The following FAF1 variants were observed in gnomAD, a reference collection of about 807,000 sequenced individuals.
FAF1 encodes the protein Fas associated factor 1, also known as FAS-associated factor 1.
FAF1 carries 25 observed loss-of-function variants against 92.5 expected under a neutral mutation model. The observed-to-expected ratio is 0.27, with a 90% CI of 0.20 to 0.38. The LOEUF (loss-of-function observed/expected upper bound fraction) is 0.38. FAF1 is among the 10% of genes least tolerant of loss of function. The pLI is 1.00. For missense variants in FAF1, 636 were observed against 793.3 expected, an observed-to-expected ratio of 0.80 and a Z score of 2.38; for synonymous variants, 234 against 273.2, an observed-to-expected ratio of 0.86 and a Z score of 1.42.
At chr1:50,643,396 C>T (rs183870033) in intron 8 of FAF1, among the ~76,000 whole-genome samples, 2 of 151,880 alleles carry the variant, frequency 1.3e-5, no homozygotes, top group Admixed American at 6.6e-5. Flanking sequence ...TTCCATATTG[C>T]TTATTAATTT....
intron 5 of FAF1, among the ~76,000 whole-genome samples, chr1:50,742,641 C>T (rs907741747): frequency 6.6e-6 from 1 of 152,200 alleles, no homozygotes; most frequent in Non-Finnish European, 1.5e-5. Flanking sequence ...GACTCAGCTT[C>T]CCCAAGTGTT....
At chr1:50,940,805 T>C (rs1056239395) in intron 1 of FAF1, among the ~76,000 whole-genome samples, 4 of 152,214 alleles carry the variant, frequency 2.6e-5, no homozygotes, top group African/African-American at 7.2e-5. Context: ...GTAGCAACCA[T>C]TGTCACACAC....
intron 4 of FAF1, among the ~76,000 whole-genome samples, chr1:50,761,434 C>T (rs1199561087): frequency 6.6e-6 from 1 of 152,134 alleles, no homozygotes; most frequent in African/African-American, 2.4e-5. Context: ...ATGCAAAAAT[C>T]CTCAATCAAA....
intron 12 of FAF1, among the ~76,000 whole-genome samples, chr1:50,572,279 T>C (rs1212059604): frequency 1.3e-5 from 2 of 152,212 alleles, no homozygotes; most frequent in Non-Finnish European, 2.9e-5. Flanking sequence ...ATCTGAATGT[T>C]TGCAGACACT....
intron 8 of FAF1, among the ~76,000 whole-genome samples, chr1:50,654,288 G>A (rs1426727143): frequency 6.6e-6 from 1 of 152,102 alleles, no homozygotes; most frequent in South Asian, 2.1e-4. Context: ...TGTTTACAAA[G>A]TCCCAATTTC....
chr1:50,884,052 G>C (rs1181890102), intron 1 of FAF1, among the ~76,000 whole-genome samples: 3 of 151,296 alleles, frequency 2.0e-5, no homozygotes, highest in Non-Finnish European at 4.4e-5. Flanking sequence ...TTGAACCCAG[G>C]AGGCGGAAGT....
chr1:50,776,193 C>G (rs1357604895), intron 4 of FAF1, among the ~76,000 whole-genome samples: 1 of 152,182 alleles, frequency 6.6e-6, no homozygotes, highest in Non-Finnish European at 1.5e-5. Flanking sequence ...TTATCATCCA[C>G]TGTAAAAGCT....
At chr1:50,462,057 C>T (rs1557954703) in intron 18 of FAF1, 1 of 146,088 alleles carries the variant, frequency 6.8e-6, no homozygotes, top group Non-Finnish European at 1.5e-5. Context: ...CAATATATAA[C>T]ATATCAATAT....
At chr1:50,562,820 A>G (rs1294463004) in intron 13 of FAF1, among the ~76,000 whole-genome samples, 1 of 152,234 alleles carries the variant, frequency 6.6e-6, no homozygotes, top group Non-Finnish European at 1.5e-5. Flanking sequence ...ATGAACAAAC[A>G]TAAGAAACAC....
chr1:50,472,757 G>C (rs567491260), intron 18 of FAF1, among the ~76,000 whole-genome samples: 13 of 152,192 alleles, frequency 8.5e-5, no homozygotes, highest in African/African-American at 3.1e-4. Flanking sequence ...AAGGCCTTAA[G>C]ATGTGCTTTT....
chr1:50,954,323 G>A (rs951220778), intron 1 of FAF1, among the ~76,000 whole-genome samples: 3 of 152,046 alleles, frequency 2.0e-5, no homozygotes, highest in Non-Finnish European at 4.4e-5. Context: ...TTCTTCACTT[G>A]AGTACAGCTA....
chr1:50,736,225 C>T (rs1442806175), intron 6 of FAF1, among the ~76,000 whole-genome samples: 8 of 152,136 alleles, frequency 5.3e-5, no homozygotes, highest in Admixed American at 3.9e-4. Context: ...CCAAATATAA[C>T]ACTTAGAATC....
At chr1:50,472,420 CACA>C (rs1646587358) in intron 18 of FAF1, among the ~76,000 whole-genome samples, 3 of 136,820 alleles carry the variant, frequency 2.2e-5, no homozygotes, top group Non-Finnish European at 3.3e-5. Context: ...CACACACACA[CACA>C]AACCCCAAAA....
chr1:50,455,882 G>C (rs942228238), intron 18 of FAF1, among the ~76,000 whole-genome samples: 1 of 152,024 alleles, frequency 6.6e-6, no homozygotes, highest in African/African-American at 2.4e-5. Context: ...AGACCAGCCA[G>C]GCCAACATGG....
chr1:50,681,956 C>T (rs1226771298), intron 7 of FAF1, among the ~76,000 whole-genome samples: 1 of 151,976 alleles, frequency 6.6e-6, no homozygotes, highest in Non-Finnish European at 1.5e-5. Flanking sequence ...ACCTCAGCCC[C>T]CTGGGTAGCT....
In FAF1 at chr1:50,634,931, T is replaced by C. The variant is rs1653943168; in HGVS notation, c.744+20511A>G. On this transcript the variant is annotated intron_variant, in intron 8 of 18. Coordinates refer to ENST00000396153, the MANE Select transcript of FAF1 (RefSeq NM_007051.3). ...CCTAAGGAAAATTTAGGATAACAGA[T>C]AGTAACTATATTCTACTGTATATAA... 2.6e-5 allele frequency among the ~76,000 whole-genome samples: 4 copies of C among 152,170 alleles called. No individual in the cohort carries two copies. In the South Asian group the frequency reaches 8.3e-4, roughly 31 times the overall value.
intron 2 of FAF1, among the ~76,000 whole-genome samples, chr1:50,821,317 G>GA (rs1266073546): frequency 1.3e-5 from 2 of 152,144 alleles, no homozygotes; most frequent in East Asian, 3.8e-4. Context: ...AGGTAGTATG[G>GA]AATGAGTGCC....
chr1:50,703,441 G>A (rs1440933535), intron 7 of FAF1, among the ~76,000 whole-genome samples: 1 of 152,044 alleles, frequency 6.6e-6, no homozygotes, highest in Non-Finnish European at 1.5e-5. Flanking sequence ...TAGGCCCAGA[G>A]AGGTCCCACA....
chr1:50,927,596 CA>C (rs531721505), intron 1 of FAF1, among the ~76,000 whole-genome samples: 139 of 152,146 alleles, frequency 9.1e-4, no homozygotes, highest in African/African-American at 3.2e-3. Context: ...TTAAAACTGG[CA>C]AAACTAACAT....
Sources: allele counts gnomAD v4.1 joint callset (sites outside exome capture counted in the v4.1 genomes callset), GRCh38; gene constraint gnomAD v4.1.1; transcripts MANE v1.5; gene names NCBI Gene and HGNC (gene_info 2026-07-23, HGNC 2026-07-21).